MAF: variants seen among roughly 807,000 people sequenced by gnomAD.
MAF encodes MAF bZIP transcription factor.
A neutral mutation model predicts 22.0 loss-of-function variants in MAF; 10 were observed. That is an observed-to-expected ratio of 0.45 (90% CI 0.28 to 0.77). MAF has a LOEUF of 0.77. Among genes scored for constraint, MAF ranks in the 30% least tolerant of loss-of-function variants. The pLI, the probability that MAF is intolerant of heterozygous loss-of-function variation, is 0.12. For missense variants in MAF, 544 were observed against 548.4 expected (o/e 0.99, Z 0.08); for synonymous variants, 337 against 255.8 (o/e 1.32, Z -3.03).
chr16:79,544,063 C>T, the MAF span, among the ~76,000 whole-genome samples: 3 of 151,992 alleles, frequency 2.0e-5, no homozygotes, highest in Admixed American at 6.5e-5. Flanking sequence ...AGACTAAAAA[C>T]GGGAAAATGT....
chr16:79,485,167 T>C, the MAF span, among the ~76,000 whole-genome samples: 2 of 152,220 alleles, frequency 1.3e-5, no homozygotes, highest in Admixed American at 6.5e-5. Flanking sequence ...CTTTAAAGGC[T>C]GTGTTCAAAC....
chr16:79,420,548 C>G, the MAF span, among the ~76,000 whole-genome samples: 45,834 of 152,098 alleles, frequency 0.3, 8,189 homozygotes, highest in East Asian at 0.69. Context: ...CCCCCCTCCC[C>G]CTACGGCCTC....
chr16:79,507,025 A>G, the MAF span, among the ~76,000 whole-genome samples: 1 of 152,070 alleles, frequency 6.6e-6, no homozygotes. Flanking sequence ...AATAATATCT[A>G]TCTTTCTTCC....
At chr16:79,503,187 G>C in the MAF span, among the ~76,000 whole-genome samples, 10 of 152,188 alleles carry the variant, frequency 6.6e-5, no homozygotes, top group Middle Eastern at 6.8e-3. Context: ...ATTTTATTAA[G>C]TTTGTCCTTT....
the MAF span, among the ~76,000 whole-genome samples, chr16:79,241,254 G>A: frequency 6.6e-6 from 1 of 152,056 alleles, no homozygotes; most frequent in African/African-American, 2.4e-5. Context: ...CGAGCTAAAG[G>A]AGCATGTTCT....
the MAF span, among the ~76,000 whole-genome samples, chr16:79,493,270 C>T: frequency 6.6e-6 from 1 of 152,066 alleles, no homozygotes; most frequent in Non-Finnish European, 1.5e-5. Context: ...ACAACCTTTG[C>T]CTCCTGGGTT....
At chr16:79,513,955 G>T in the MAF span, among the ~76,000 whole-genome samples, 1 of 152,162 alleles carries the variant, frequency 6.6e-6, no homozygotes, top group African/African-American at 2.4e-5. Context: ...TCAAAGGAAA[G>T]AATGGAATCA....
At chr16:79,370,608 TAGGGTACAG>T in the MAF span, among the ~76,000 whole-genome samples, 1 of 152,330 alleles carries the variant, frequency 6.6e-6, no homozygotes, top group Middle Eastern at 3.4e-3. Flanking sequence ...TGCAGGATCC[TAGGGTACAG>T]AGGGATCATC....
the MAF span, among the ~76,000 whole-genome samples, chr16:79,383,032 C>G: frequency 1.1e-4 from 16 of 152,254 alleles, no homozygotes; most frequent in East Asian, 3.1e-3. Flanking sequence ...ATTTCAGTTG[C>G]TTCATCTATA....
the MAF span, among the ~76,000 whole-genome samples, chr16:79,259,644 G>C: frequency 6.6e-6 from 1 of 152,136 alleles, no homozygotes; most frequent in Non-Finnish European, 1.5e-5. Flanking sequence ...ACAGGCTCTT[G>C]GTTGCATATA....
the MAF span, among the ~76,000 whole-genome samples, chr16:79,394,877 C>G: frequency 6.6e-6 from 1 of 152,230 alleles, no homozygotes; most frequent in African/African-American, 2.4e-5. Context: ...ATAAGTGTAC[C>G]AGAACATCTG....
the MAF span, among the ~76,000 whole-genome samples, chr16:79,473,963 G>C: frequency 6.6e-6 from 1 of 152,138 alleles, no homozygotes; most frequent in African/African-American, 2.4e-5. Context: ...TGGTCGAGTG[G>C]GGAGGAATTA....
chr16:79,229,888 C>G, the MAF span, among the ~76,000 whole-genome samples: 1 of 152,004 alleles, frequency 6.6e-6, no homozygotes, highest in African/African-American at 2.4e-5. Context: ...TTGCGGCAGC[C>G]TGTGTATTAA....
At chr16:79,500,714 C>T in the MAF span, among the ~76,000 whole-genome samples, 1 of 152,170 alleles carries the variant, frequency 6.6e-6, no homozygotes, top group African/African-American at 2.4e-5. Flanking sequence ...TACACTGCAT[C>T]AGCATCACAG....
chr16:79,464,374 G>A, the MAF span, among the ~76,000 whole-genome samples: 1 of 152,154 alleles, frequency 6.6e-6, no homozygotes, highest in Non-Finnish European at 1.5e-5. Flanking sequence ...GCCCACCACA[G>A]TAGCCGTGAA....
At chr16:79,535,817 C>T in the MAF span, among the ~76,000 whole-genome samples, 2 of 152,002 alleles carry the variant, frequency 1.3e-5, no homozygotes, top group East Asian at 1.9e-4. Flanking sequence ...CTAACCTCCC[C>T]GCCTTGGCCT....
the MAF span, among the ~76,000 whole-genome samples, chr16:79,491,090 G>A: frequency 7.2e-5 from 11 of 152,188 alleles, no homozygotes; most frequent in African/African-American, 9.7e-5. Flanking sequence ...GGAAAGGGAA[G>A]GTGAGAAGGG....
At chr16:79,257,443 A>T in the MAF span, among the ~76,000 whole-genome samples, 3 of 152,112 alleles carry the variant, frequency 2.0e-5, no homozygotes, top group Admixed American at 6.5e-5. Flanking sequence ...AAATTATCCT[A>T]AGGAAATAAA....
chr16:79,338,668 T>C, the MAF span, among the ~76,000 whole-genome samples: 3 of 151,678 alleles, frequency 2.0e-5, no homozygotes, highest in South Asian at 2.1e-4. Flanking sequence ...GGGAGAGAGA[T>C]GGACAGGAGG....
Sources: allele counts gnomAD v4.1 joint callset (sites outside exome capture counted in the v4.1 genomes callset), GRCh38; gene constraint gnomAD v4.1.1; transcripts MANE v1.5; gene names NCBI Gene and HGNC (gene_info 2026-07-23, HGNC 2026-07-21).